CENPC: variants seen among roughly 807,000 people sequenced by gnomAD.
CENPC encodes CENP-C 1.
In CENPC, 63 loss-of-function variants were observed where a neutral mutation model predicts 112.1. That is an observed-to-expected ratio of 0.56 (90% CI 0.46 to 0.69). The LOEUF is 0.69. Ranked by LOEUF, CENPC falls within the 30% of genes least tolerant of loss-of-function variation. The pLI is 0.00. For synonymous variants in CENPC, 333 were observed against 367.6 expected (o/e 0.91, Z 1.08); for missense variants, 1,000 against 1,103.8 (o/e 0.91, Z 1.33).
Position 67,514,341 on chromosome 4 carries a change from T to C in CENPC, c.1177A>G (p.Asn393Asp), listed in dbSNP as rs1200462541. 1 of 1,612,312 alleles carries C rather than the reference T, an allele frequency of 6.2e-7. No individual in the cohort carries two copies. The highest frequency in any genetic ancestry group is 2.2e-5 in the East Asian group (1 of 44,772). The change falls in exon 8 of 19, where the codon AAT (asparagine) becomes GAT (aspartate). Residue 393 changes from asparagine (N) to aspartate (D), a missense_variant. By Grantham distance (23) the Asn-to-Asp change is conservative. Transcript: ENST00000273853. ...TCATATTTTGTAGATCTATAATTAT[T>C]TACTGTTTCACCTATCAAAGCATAA... The part of the protein sequence containing the change: ...TSYALIGETV[N>D]NYRSTKYEMY...
At chr4:67,539,503 G>A (rs116480454) in intron 4 of CENPC, among the ~76,000 whole-genome samples, 2,695 of 152,098 alleles carry the variant, frequency 0.018, 38 homozygotes, top group South Asian at 0.031. Context: ...ACAATGAAGT[G>A]CCTTCATTTA....
intron 12 of CENPC, among the ~76,000 whole-genome samples, chr4:67,504,092 CAAAAAAAA>C (rs33925641): frequency 4.4e-5 from 5 of 114,106 alleles, no homozygotes; most frequent in Admixed American, 3.7e-4. Context: ...GTGAATGGGG[CAAAAAAAA>C]AAAAAAAAAA....
At chr4:67,534,862 G>C (rs942273148) in intron 4 of CENPC, among the ~76,000 whole-genome samples, 1 of 152,152 alleles carries the variant, frequency 6.6e-6, no homozygotes, top group Non-Finnish European at 1.5e-5. Context: ...TGAAAAAGGC[G>C]AGGTAATGAG....
At chr4:67,473,081 C>T (rs7669803) in intron 18 of CENPC, among the ~76,000 whole-genome samples, 131,526 of 151,288 alleles carry the variant, frequency 0.87, 57,339 homozygotes, top group East Asian at 0.93. Context: ...TATTTATTTA[C>T]TTATTTTTTG....
chr4:67,532,043 T>C (rs1041788789), intron 4 of CENPC, among the ~76,000 whole-genome samples: 1 of 151,836 alleles, frequency 6.6e-6, no homozygotes, highest in African/African-American at 2.4e-5. Context: ...TTAAATAAAT[T>C]TACAAGAAAA....
intron 1 of CENPC, among the ~76,000 whole-genome samples, chr4:67,544,652 A>C (rs914106884): frequency 1.3e-5 from 2 of 152,230 alleles, no homozygotes; most frequent in African/African-American, 4.8e-5. Flanking sequence ...GAAATATAGA[A>C]TAGTGAACAC....
intron 5 of CENPC, among the ~76,000 whole-genome samples, chr4:67,526,101 G>T (rs1321433133): frequency 1.3e-5 from 2 of 152,086 alleles, no homozygotes; most frequent in African/African-American, 2.4e-5. Flanking sequence ...TCACTCATAA[G>T]TGGGAGTAGA....
chr4:67,504,906 G>A (rs1725692173), intron 12 of CENPC: 1 of 300,150 alleles, frequency 3.3e-6, no homozygotes, highest in Non-Finnish European at 6.0e-6. Context: ...ACCAGCTTCA[G>A]TAATCATCAA....
chr4:67,521,840 CATT>C (rs1354883359), intron 5 of CENPC, among the ~76,000 whole-genome samples: 1 of 152,152 alleles, frequency 6.6e-6, no homozygotes, highest in East Asian at 1.9e-4. Context: ...ACCTTGAAGA[CATT>C]ATGCTTAGTG....
At chr4:67,505,361 T>G (rs912026390) in intron 11 of CENPC, 77 bp from the exon 12 acceptor site, 20 of 858,514 alleles carry the variant, frequency 2.3e-5, no homozygotes, top group African/African-American at 3.5e-5. Context: ...AATGATCATT[T>G]TTCTCCTAAA....
intron 10 of CENPC, 53 bp from the exon 11 acceptor site, chr4:67,506,987 C>G (rs1725753596): frequency 5.0e-6 from 7 of 1,388,332 alleles, no homozygotes; most frequent in Non-Finnish European, 5.9e-6. Context: ...ATAAAATTTT[C>G]TTCCAGAAAC....
intron 8 of CENPC, among the ~76,000 whole-genome samples, chr4:67,513,213 G>A (rs112266727): frequency 1.1e-3 from 169 of 152,088 alleles, no homozygotes; most frequent in African/African-American, 3.9e-3. Context: ...CAGAAAGAAA[G>A]AAAACCCCAC....
Position 67,545,310 on chromosome 4 carries a change from T to C in CENPC, c.18+28A>G, listed in dbSNP as rs370587674. 2,897 of 1,460,480 alleles carry C rather than the reference T, an allele frequency of 2.0e-3. 49 individuals carry two copies. In the South Asian group the frequency reaches 0.022, roughly 11 times the overall value. 90.5% of individuals were successfully genotyped at this position (1,460,480 alleles called of 1,614,324 possible). On this transcript the variant is annotated intron_variant, in intron 1 of 18. Transcript: ENST00000273853. ...GTGCCCCAGCCAGCCGCTCAACCAC[T>C]CGCCTGGAGCGGGGGGCCTGCACTT...
chr4:67,493,820 C>A (rs759346186), intron 14 of CENPC, 64 bp downstream of exon 14: 1 of 917,248 alleles, frequency 1.1e-6, no homozygotes, highest in Non-Finnish European at 1.7e-6. Context: ...ACATGTAGTG[C>A]AGTGTCTGGC....
At chr4:67,497,840 TCTATA>T (rs1031860746) in intron 12 of CENPC, among the ~76,000 whole-genome samples, 1 of 152,114 alleles carries the variant, frequency 6.6e-6, no homozygotes, top group Non-Finnish European at 1.5e-5. Flanking sequence ...AAAAGTTATG[TCTATA>T]CTATACTATA....
Position 67,471,519 on chromosome 4 carries a change from A to G in CENPC, c.*1086T>C, listed in dbSNP as rs1483481620. The G allele has an allele frequency of 6.6e-6, 1 of 152,142 alleles. No homozygotes were observed. The highest frequency in any genetic ancestry group is 6.5e-5 in the Admixed American group (1 of 15,272). 9.4% of individuals were successfully genotyped at this position (152,142 alleles called of 1,614,324 possible). A position where few individuals can be genotyped will look rare whatever the true frequency, so the allele number is the denominator to read the frequency against. On this transcript the variant is annotated 3_prime_UTR_variant, in exon 19 of 19. Coordinates refer to ENST00000273853, the MANE Select transcript of CENPC (RefSeq NM_001812.4). Reference sequence around the variant, plus strand: ...TTCAATAAGACTTCATAACAAATATATTCAAAGAAATAAAAGTAAAAAAAA... The same window carrying G: ...TTCAATAAGACTTCATAACAAATATGTTCAAAGAAATAAAAGTAAAAAAAA...
intron 9 of CENPC, among the ~76,000 whole-genome samples, chr4:67,510,413 A>T (rs1339054874): frequency 6.6e-6 from 1 of 152,044 alleles, no homozygotes; most frequent in Non-Finnish European, 1.5e-5. Context: ...ACTTATCTCT[A>T]CTTCTCTCCT....
chr4:67,503,160 T>G (rs546976245), intron 12 of CENPC, among the ~76,000 whole-genome samples: 2 of 152,148 alleles, frequency 1.3e-5, no homozygotes, highest in Non-Finnish European at 2.9e-5. Context: ...TGATCTTTCA[T>G]TCTGTTGCCT....
chr4:67,492,869 T>C lies in CENPC; in HGVS notation c.2419A>G (p.Lys807Glu). ...KRICLDNDER[K>E]TNLMVNLGIP... ...GTTACTTTCAGAAATAAGTTCATAC[T>C]TCTTTCATCGTTATCAAGACAGATC... Residue 807 changes from lysine to glutamate, a missense_variant and splice_region_variant, in exon 15 of 19, where the codon AAG becomes GAG. Transcript: ENST00000273853. 6.4e-7 allele frequency: 1 copy of C among 1,551,770 alleles called. No homozygotes were observed. The highest frequency in any genetic ancestry group is 1.2e-5 in the South Asian group (1 of 81,734).
Sources: allele counts gnomAD v4.1 joint callset (sites outside exome capture counted in the v4.1 genomes callset), GRCh38; gene constraint gnomAD v4.1.1; transcripts MANE v1.5; gene names NCBI Gene and HGNC (gene_info 2026-07-23, HGNC 2026-07-21).